Variants in FBXO24 observed in about 807,000 individuals in gnomAD.
FBXO24 encodes the protein F-box protein 24, also known as F-box only protein 24.
A neutral mutation model predicts 63.5 loss-of-function variants in FBXO24; 30 were observed. The observed-to-expected ratio is 0.47, with a 90% CI of 0.35 to 0.64. The LOEUF is 0.64. Among genes scored for constraint, FBXO24 ranks in the 30% least tolerant of loss-of-function variants. FBXO24 has a pLI of 0.00. For missense variants in FBXO24, 624 were observed against 763.4 expected (o/e 0.82, Z 2.15); for synonymous variants, 300 against 305.0 (o/e 0.98, Z 0.17).
chr7:100,588,093 G>T (rs909354341), intron 1 of FBXO24, among the ~76,000 whole-genome samples: 8 of 152,114 alleles, frequency 5.3e-5, no homozygotes, highest in African/African-American at 1.9e-4. Flanking sequence ...TGCCCAGGCT[G>T]ATCTCAAACT....
chr7:100,586,572 G>T lies in FBXO24; in HGVS notation c.-54G>T, dbSNP rs1388750895. ...GTCAAGAAGGCCAATTAGAGCCTCCGAAGGGAATCTGGACCTGCCTCTTCT... is the reference window on the plus strand; with the variant it reads ...GTCAAGAAGGCCAATTAGAGCCTCCTAAGGGAATCTGGACCTGCCTCTTCT... On this transcript the variant is annotated 5_prime_UTR_variant, in exon 1 of 10. Coordinates refer to ENST00000241071, the MANE Select transcript of FBXO24 (RefSeq NM_033506.3). 6.3e-7 allele frequency: 1 copy of T among 1,599,058 alleles called. No homozygotes were observed. Among genetic ancestry groups the T allele is most frequent in the Non-Finnish European group, 8.6e-7 (1 of 1,166,624 alleles).
intron 2 of FBXO24, 28 bp downstream of exon 2, chr7:100,590,103 A>G (rs771351129): frequency 1.2e-6 from 2 of 1,609,302 alleles, no homozygotes; most frequent in Admixed American, 1.7e-5. Flanking sequence ...GGGATTGAGA[A>G]TAATAGGATT....
rs1405460967 is a variant in FBXO24, at chr7:100,601,060, C to T, written c.*161C>T. On this transcript the variant is annotated 3_prime_UTR_variant, in exon 10 of 10. Transcript: ENST00000241071. The stretch of plus-strand genomic sequence containing the variant: ...TTCAGGGGGCTGCCCAGGAGGGGCC[C>T]CCAACCTGACTATCATGGACAAGAG... 2 of 907,162 alleles carry T rather than the reference C, an allele frequency of 2.2e-6. No homozygotes were observed. The highest frequency in any genetic ancestry group is 3.2e-6 in the Non-Finnish European group (2 of 619,306). 56.2% of individuals were successfully genotyped at this position (907,162 alleles called of 1,614,324 possible). A position where few individuals can be genotyped will look rare whatever the true frequency, so the allele number is the denominator to read the frequency against.
At chr7:100,586,710 C>T (rs1040322964) in intron 1 of FBXO24, 46 bp downstream of exon 1, 4 of 1,609,736 alleles carry the variant, frequency 2.5e-6, no homozygotes, top group Admixed American at 1.7e-5. Flanking sequence ...ACGCGGAGCC[C>T]CTGGCCGGCC....
intron 1 of FBXO24, among the ~76,000 whole-genome samples, chr7:100,588,789 T>C (rs552824631): frequency 6.6e-6 from 1 of 152,326 alleles, no homozygotes; most frequent in East Asian, 1.9e-4. Context: ...ATACATGCAA[T>C]GATGTTACTG....
chr7:100,596,030 C>T (rs1264697388), intron 8 of FBXO24, among the ~76,000 whole-genome samples: 1 of 152,030 alleles, frequency 6.6e-6, no homozygotes, highest in Non-Finnish European at 1.5e-5. Context: ...GTAATCCCGA[C>T]ACTTTGGGAG....
In FBXO24 at chr7:100,600,229, C is replaced by A; in HGVS notation, c.1377+28C>A. 8 of 1,495,274 alleles carry A rather than the reference C, an allele frequency of 5.4e-6. No homozygotes were observed. Among genetic ancestry groups the A allele is most frequent in the Non-Finnish European group, 7.2e-6 (8 of 1,117,066 alleles). The allele number at this position is 1,495,274 out of a possible 1,614,324, so 92.6% of individuals were successfully genotyped here. Reference sequence around the variant, plus strand: ...CAGAGCGGGGTCAGGAGAGTGGGCACCCAGGGAGGATGAGAGCCATGAACC... The same window carrying A: ...CAGAGCGGGGTCAGGAGAGTGGGCAACCAGGGAGGATGAGAGCCATGAACC... On this transcript the variant is annotated intron_variant, in intron 9 of 9. Transcript: ENST00000241071. This position sits in a 1 kb window ranked among gnomAD's most constrained non-coding sequence, Gnocchi z 6.3.
rs1339592562 is a variant in FBXO24 at position 100,600,074 on chromosome 7, A to G, written c.1250A>G (p.Asn417Ser). The G allele has an allele frequency of 1.2e-6, 2 of 1,611,132 alleles. No homozygotes were observed. Among genetic ancestry groups the G allele is most frequent in the Non-Finnish European group, 1.7e-6 (2 of 1,179,450 alleles). Residue 417 changes from asparagine (N) to serine (S), a missense_variant, in exon 9 of 10, where the codon AAC (asparagine) becomes AGC (serine). Around this residue, in one of 3 missense-constraint regions of FBXO24, gnomAD observed 216 missense variants for 245.2 expected, o/e 0.88. Coordinates refer to ENST00000241071, the MANE Select transcript of FBXO24 (RefSeq NM_033506.3). The surrounding 1 kb of genome is among the most constrained non-coding windows in gnomAD (Gnocchi z 6.3). ...QRPITLWCGL[N>S]HSLVLSQSSE... is the part of the protein sequence containing the mutation. ...CCCATCACCCTGTGGTGCGGCCTCAACCACTCCCTGGTGCTGAGCCAGAGC... is the reference window on the plus strand; with the variant it reads ...CCCATCACCCTGTGGTGCGGCCTCAGCCACTCCCTGGTGCTGAGCCAGAGC...
chr7:100,600,403 C>G lies in FBXO24; in HGVS notation c.1378-131C>G, dbSNP rs1584436978. The stretch of plus-strand genomic sequence containing the variant: ...TGCTGGCCTTGCCCAACCTCACACA[C>G]CCCTGGGACTTAGCCGGCTCAGGGC... On this transcript the variant is annotated intron_variant, in intron 9 of 9. Transcript: ENST00000241071. The surrounding 1 kb of genome is among the most constrained non-coding windows in gnomAD (Gnocchi z 6.3). The G allele has an allele frequency of 1.4e-6, 2 of 1,480,858 alleles. No homozygotes were observed. The highest frequency in any genetic ancestry group is 4.6e-5 in the East Asian group (2 of 43,620). 91.7% of individuals were successfully genotyped at this position (1,480,858 alleles called of 1,614,324 possible).
At chr7:100,590,405 T>C in intron 3 of FBXO24, 48 bp downstream of exon 3, 1 of 1,558,388 alleles carries the variant, frequency 6.4e-7, no homozygotes, top group South Asian at 1.2e-5. Context: ...TGTCCCGCCT[T>C]AGCCTTCCTG....
rs34048349 is a variant in FBXO24, at chr7:100,600,019, G to A, written c.1207-12G>A. 26,053 of 1,515,340 alleles carry A rather than the reference G, an allele frequency of 0.017. 261 individuals are homozygous for A. Among genetic ancestry groups the A allele is most frequent in the Non-Finnish European group, 0.02 (21,966 of 1,120,914 alleles). The allele number at this position is 1,515,340 out of a possible 1,614,324, so 93.9% of individuals were successfully genotyped here. A position where few individuals can be genotyped will look rare whatever the true frequency, so the allele number is the denominator to read the frequency against. On this transcript the variant is annotated splice_polypyrimidine_tract_variant and intron_variant, in intron 8 of 9. Coordinates refer to ENST00000241071, the MANE Select transcript of FBXO24 (RefSeq NM_033506.3). The surrounding 1 kb of genome is among the most constrained non-coding windows in gnomAD (Gnocchi z 6.3). ...TGCTCCCTGCTCAGGGACCCTGGCC[G>A]TGTGTCCCCAGGTTTGTTACCTGCA... is the stretch of plus-strand genomic sequence containing the variant.
Position 100,600,330 on chromosome 7 carries a change from C to T in FBXO24, c.1377+129C>T. 7.4e-7 allele frequency: 1 copy of T among 1,356,142 alleles called. No individual in the cohort carries two copies. The highest frequency in any genetic ancestry group is 9.9e-7 in the Non-Finnish European group (1 of 1,012,442). 84.0% of individuals were successfully genotyped at this position (1,356,142 alleles called of 1,614,324 possible). A position where few individuals can be genotyped will look rare whatever the true frequency, so the allele number is the denominator to read the frequency against. ...CATTTCCCTAGCACCACCCCACCTCCCTCCTCTGCCGCACACCACGCTCTC... is the reference window on the plus strand; with the variant it reads ...CATTTCCCTAGCACCACCCCACCTCTCTCCTCTGCCGCACACCACGCTCTC... On this transcript the variant is annotated intron_variant, in intron 9 of 9. Transcript: ENST00000241071. The surrounding 1 kb of genome is among the most constrained non-coding windows in gnomAD (Gnocchi z 6.3).
Position 100,600,854 on chromosome 7 carries a change from T to A in FBXO24, c.1698T>A (p.Ala566=). The change falls in exon 10 of 10, where the codon GCT becomes GCA. Residue 566 remains alanine, a synonymous_variant. Coordinates refer to ENST00000241071, the MANE Select transcript of FBXO24 (RefSeq NM_033506.3). This position sits in a 1 kb window ranked among gnomAD's most constrained non-coding sequence, Gnocchi z 6.3. The part of the protein sequence containing the change: ...FWEALDMLQR[A]EGGGGGVGPP... Reference sequence around the variant, plus strand: ...AGGCCCTGGACATGCTGCAGAGGGCTGAAGGAGGCGGGGGTGGTGTAGGGC... The same window carrying A: ...AGGCCCTGGACATGCTGCAGAGGGCAGAAGGAGGCGGGGGTGGTGTAGGGC... 6.2e-7 allele frequency: 1 copy of A among 1,613,892 alleles called. No individual in the cohort carries two copies. Among genetic ancestry groups the A allele is most frequent in the Middle Eastern group, 1.7e-4 (1 of 6,060 alleles).
chr7:100,589,758 T>C lies in FBXO24; in HGVS notation c.40-219T>C, dbSNP rs982523693. The C allele has an allele frequency of 2.6e-6, 4 of 1,544,594 alleles. No homozygotes were observed. The highest frequency in any genetic ancestry group is 1.4e-5 in the African/African-American group (1 of 72,622). The stretch of plus-strand genomic sequence containing the variant: ...AAGCCAGAGACGGAAGCTGCAAAAA[T>C]TCACCAGGCTGTGTGGACGGGAGGA... On this transcript the variant is annotated intron_variant, in intron 1 of 9. Transcript: ENST00000241071.
At chr7:100,588,586 C>A (rs911450087) in intron 1 of FBXO24, among the ~76,000 whole-genome samples, 1 of 152,134 alleles carries the variant, frequency 6.6e-6, no homozygotes, top group African/African-American at 2.4e-5. Flanking sequence ...TGAGCCCCTG[C>A]AAGAGCCAGC....
Position 100,590,064 on chromosome 7 carries a change from C to T in FBXO24, c.127C>T (p.Pro43Ser), listed in dbSNP as rs769015846. The change falls in exon 2 of 10, where the codon CCC becomes TCC. Residue 43 changes from proline to serine, a missense_variant. Pro to Ser is a moderately conservative substitution (Grantham distance 74). This residue lies in a region of FBXO24 where 391 missense variants were observed against 469.1 expected (regional missense o/e 0.83). Coordinates refer to ENST00000241071, the MANE Select transcript of FBXO24 (RefSeq NM_033506.3). The part of the protein sequence containing the change: ...KGNPISIQLF[P>S]PELVEHIISF... ...AAATCCGATTTCCATCCAGTTGTTC[C>T]CCCCAGAGCTGGTGAGTCCTTGGGG... 6 of 1,613,104 alleles carry T rather than the reference C, an allele frequency of 3.7e-6. No homozygotes were observed. In the South Asian group the frequency reaches 6.6e-5, roughly 18 times the overall value.
rs534925598 is a variant in FBXO24 at position 100,588,202 on chromosome 7, A to C, written c.39+1538A>C. On this transcript the variant is annotated intron_variant, in intron 1 of 9. Transcript: ENST00000241071. ...CCCACAGTGGACTTTTTCTATTCAC[A>C]ACCTCTCGTTTGCCTCCTGGGGTGA... 1.6e-4 allele frequency among the ~76,000 whole-genome samples: 25 copies of C among 152,320 alleles called. No individual in the cohort carries two copies. The South Asian group carries it at 5.0e-3, about 30-fold the overall frequency.
At position 100,594,430 on chromosome 7, in the gene FBXO24, C is replaced by T; in HGVS notation, c.841C>T (p.Gln281Ter). 6.2e-7 allele frequency: 1 copy of T among 1,613,214 alleles called. No individual in the cohort carries two copies. ...SLVVNETQLD[Q>*]PRSYTVQLAL... is the part of the protein sequence containing the mutation. ...GGTAGTGAATGAGACCCAGCTTGACCAGCCACGCTCCTACACGGTTCAGCT... is the reference window on the plus strand; with the variant it reads ...GGTAGTGAATGAGACCCAGCTTGACTAGCCACGCTCCTACACGGTTCAGCT... The change falls in exon 6 of 10, where the codon CAG becomes TAG. Residue 281 changes from glutamine (Q) to a stop codon, truncating the protein, a stop_gained. Coordinates refer to ENST00000241071, the MANE Select transcript of FBXO24 (RefSeq NM_033506.3). LOFTEE classifies it high-confidence loss of function. The surrounding 1 kb of genome is among the most constrained non-coding windows in gnomAD (Gnocchi z 4.2).
intron 8 of FBXO24, among the ~76,000 whole-genome samples, chr7:100,598,743 A>C: frequency 6.6e-6 from 1 of 152,214 alleles, no homozygotes; most frequent in Middle Eastern, 3.2e-3. Context: ...TTGGGAGGCC[A>C]AGGCAGGTGG....
Sources: gnomAD v4.1 joint callset for allele counts (sites outside exome capture counted in the v4.1 genomes callset) on GRCh38, gnomAD v4.1.1 for gene constraint, gnomAD v4.1.1 regional missense constraint, Gnocchi (gnomAD v3.1) non-coding constraint, MANE v1.5 for transcripts, NCBI Gene and HGNC (gene_info 2026-07-23, HGNC 2026-07-21) for gene names.